DOCK1: variants seen among roughly 807,000 people sequenced by gnomAD.
The protein encoded by DOCK1 is dedicator of cytokinesis protein 1.
A neutral mutation model predicts 262.7 loss-of-function variants in DOCK1; 138 were observed. The observed-to-expected ratio is 0.53, with a 90% CI of 0.46 to 0.61. The LOEUF (loss-of-function observed/expected upper bound fraction) is 0.61, where lower values mean the gene tolerates loss of function less well. Ranked by LOEUF, DOCK1 falls within the 20% of genes least tolerant of loss-of-function variation. The pLI, the probability that DOCK1 is intolerant of heterozygous loss-of-function variation, is 0.00. For synonymous variants in DOCK1, 866 were observed against 867.4 expected, an observed-to-expected ratio of 1.00 and a Z score of 0.03; for missense variants, 1,908 against 2,370.7, an observed-to-expected ratio of 0.80 and a Z score of 4.05.
intron 18 of DOCK1, 21 bp downstream of exon 18, chr10:127,032,341 ACACT>A (rs1353467386): frequency 1.0e-5 from 15 of 1,492,660 alleles, no homozygotes; most frequent in Non-Finnish European, 1.3e-5. Flanking sequence ...GAGGAGAAAC[ACACT>A]CACCCCAGGA....
In DOCK1 at chr10:127,113,245, A is replaced by G. The variant is rs573252832; in HGVS notation, c.2623+2891A>G. ...TGTTCAGATTTCTAGAACTTGGTAT[A>G]ACTGGATTTAGCTGCATGTGCCACT... is the stretch of plus-strand genomic sequence containing the variant. On this transcript the variant is annotated intron_variant, in intron 25 of 51. Transcript: ENST00000623213. Among the ~76,000 whole-genome samples the G allele has an allele frequency of 4.6e-5, 7 of 152,268 alleles. No individual in the cohort carries two copies. In the South Asian group the frequency reaches 6.2e-4, roughly 14 times the overall value.
intron 2 of DOCK1, among the ~76,000 whole-genome samples, chr10:126,976,262 G>A (rs1389792310): frequency 1.3e-5 from 2 of 152,174 alleles, no homozygotes; most frequent in South Asian, 2.1e-4. Flanking sequence ...TCCTTCAAAT[G>A]TGTGGCTGAA....
rs775801849 is a variant in DOCK1, at chr10:127,031,767, T to C, written c.1728+14T>C. On this transcript the variant is annotated intron_variant, in intron 17 of 51. Coordinates refer to ENST00000623213, the MANE Select transcript of DOCK1 (RefSeq NM_001290223.2). ...ATCGTCTATAAGGTATCTGGTTGCA[T>C]TGGTGCAATATTGCTGCTATAGACA... The C allele has an allele frequency of 3.2e-5, 51 of 1,605,134 alleles. No individual in the cohort carries two copies. Among genetic ancestry groups the C allele is most frequent in the Admixed American group, 1.0e-4 (6 of 58,726 alleles).
At chr10:127,121,098 G>A (rs1352145232) in intron 25 of DOCK1, among the ~76,000 whole-genome samples, 1 of 152,138 alleles carries the variant, frequency 6.6e-6, no homozygotes, top group Non-Finnish European at 1.5e-5. Flanking sequence ...ATACGTGTGG[G>A]TAAACTGATT....
chr10:126,939,436 T>C (rs1022253298), intron 1 of DOCK1, among the ~76,000 whole-genome samples: 128 of 152,382 alleles, frequency 8.4e-4, no homozygotes, highest in African/African-American at 2.9e-3. Flanking sequence ...TTCATCTAAA[T>C]TCTAGGATGA....
intron 32 of DOCK1, among the ~76,000 whole-genome samples, chr10:127,359,973 A>G (rs11017548): frequency 0.26 from 39,358 of 152,066 alleles, 5,704 homozygotes; most frequent in African/African-American, 0.38. Flanking sequence ...CTTCTGTTAT[A>G]TGTTGGAAAT....
chr10:127,140,640 G>GTTTGACACACCGAC (rs2051146168), intron 27 of DOCK1, among the ~76,000 whole-genome samples: 1 of 151,026 alleles, frequency 6.6e-6, no homozygotes, highest in Non-Finnish European at 1.5e-5. Context: ...GACACACCAA[G>GTTTGACACACCGAC]TCTCTGGGTT....
chr10:127,342,380 G>A (rs188250923), intron 30 of DOCK1, among the ~76,000 whole-genome samples: 146 of 152,282 alleles, frequency 9.6e-4, no homozygotes, highest in African/African-American at 3.3e-3. Context: ...GGGCTCTGAG[G>A]TTGGGGGTGC....
chr10:127,126,055 A>G (rs1430038446), intron 26 of DOCK1, among the ~76,000 whole-genome samples: 2 of 151,078 alleles, frequency 1.3e-5, no homozygotes, highest in Admixed American at 6.6e-5. Flanking sequence ...CCCCTAGGTC[A>G]GTGCTTTGCT....
intron 38 of DOCK1, among the ~76,000 whole-genome samples, chr10:127,392,633 C>T (rs6482859): frequency 0.47 from 70,936 of 151,870 alleles, 16,918 homozygotes; most frequent in African/African-American, 0.51. Flanking sequence ...TGGCCGTCAC[C>T]CAGACTTTCC....
intron 1 of DOCK1, among the ~76,000 whole-genome samples, chr10:126,907,902 A>G (rs2031157276): frequency 6.6e-6 from 1 of 152,228 alleles, no homozygotes; most frequent in Admixed American, 6.5e-5. Context: ...AAAAAGTTAA[A>G]AAAAGAAAAA....
At chr10:127,386,181 A>G (rs993157681) in intron 38 of DOCK1, among the ~76,000 whole-genome samples, 2 of 152,160 alleles carry the variant, frequency 1.3e-5, no homozygotes, top group African/African-American at 4.8e-5. Context: ...GCGATGCGGC[A>G]TCCTTTATTT....
chr10:127,051,434 A>T (rs142795716), intron 21 of DOCK1, among the ~76,000 whole-genome samples: 1,874 of 152,318 alleles, frequency 0.012, 29 homozygotes, highest in African/African-American at 0.034. Context: ...TGTAAATTTT[A>T]ATTTTCGGTG....
At chr10:127,116,176 A>C (rs2049167888) in intron 25 of DOCK1, among the ~76,000 whole-genome samples, 1 of 152,136 alleles carries the variant, frequency 6.6e-6, no homozygotes, top group Non-Finnish European at 1.5e-5. Flanking sequence ...GAAAGAGGCC[A>C]TTCCCTCATA....
At chr10:127,178,404 C>T (rs955220357) in intron 27 of DOCK1, among the ~76,000 whole-genome samples, 4 of 152,138 alleles carry the variant, frequency 2.6e-5, no homozygotes, top group Admixed American at 6.5e-5. Context: ...CTTTGCTGTG[C>T]GGTGCAGGGT....
chr10:127,131,799 G>C (rs1488311155), intron 27 of DOCK1, among the ~76,000 whole-genome samples: 2 of 152,158 alleles, frequency 1.3e-5, no homozygotes, highest in Non-Finnish European at 2.9e-5. Flanking sequence ...TCATAGGTCT[G>C]TTTTGGGTAG....
intron 1 of DOCK1, among the ~76,000 whole-genome samples, chr10:126,909,627 C>G (rs1214904580): frequency 3.3e-5 from 5 of 152,128 alleles, no homozygotes; most frequent in Admixed American, 6.6e-5. Context: ...TGGCACTGCT[C>G]TTACTCATAA....
At chr10:127,303,060 G>A (rs1048454469) in intron 29 of DOCK1, among the ~76,000 whole-genome samples, 6 of 152,102 alleles carry the variant, frequency 3.9e-5, no homozygotes, top group East Asian at 3.8e-4. Context: ...TTCTGACAAC[G>A]GTTAGCAGGA....
chr10:127,169,204 C>T (rs1195502420), intron 27 of DOCK1, among the ~76,000 whole-genome samples: 1 of 152,164 alleles, frequency 6.6e-6, no homozygotes, highest in African/African-American at 2.4e-5. Context: ...CATACACACA[C>T]AGAGTTCCAA....
Sources: allele counts gnomAD v4.1 joint callset (sites outside exome capture counted in the v4.1 genomes callset), GRCh38; gene constraint gnomAD v4.1.1; transcripts MANE v1.5; gene names NCBI Gene and HGNC (gene_info 2026-07-23, HGNC 2026-07-21).